GLCCI1: variants seen among roughly 807,000 people sequenced by gnomAD.
The protein encoded by GLCCI1 is glucocorticoid-induced transcript 1 protein.
Under a neutral mutation model 52.2 loss-of-function variants are expected in GLCCI1, and 24 were observed. That is an observed-to-expected ratio of 0.46 (90% confidence interval 0.33 to 0.65). The LOEUF (loss-of-function observed/expected upper bound fraction) is 0.65, where lower values mean the gene tolerates loss of function less well. Ranked by LOEUF, GLCCI1 falls within the 30% of genes least tolerant of loss-of-function variation. The pLI, the probability that GLCCI1 is intolerant of heterozygous loss-of-function variation, is 0.02. For missense variants in GLCCI1, 704 were observed against 701.5 expected (o/e 1.00, Z -0.04); for synonymous variants, 310 against 276.5 (o/e 1.12, Z -1.20).
In GLCCI1 at chr7:8,087,463, T is replaced by C. The variant is rs2127970985; in HGVS notation, c.*925T>C. The C allele has an allele frequency of 6.5e-6, 1 of 152,770 alleles. No homozygotes were observed. Among genetic ancestry groups the C allele is most frequent in the East Asian group, 1.9e-4 (1 of 5,188 alleles). The allele number at this position is 152,770 out of a possible 1,614,324, so 9.5% of individuals were successfully genotyped here. On this transcript the variant is annotated 3_prime_UTR_variant, in exon 8 of 8. Transcript: ENST00000223145. ...ACATTCCACATTGTGTGTGATGAAATTTAAAGACAAGAATGTCTAGAGTTA... is the reference window on the plus strand; with the variant it reads ...ACATTCCACATTGTGTGTGATGAAACTTAAAGACAAGAATGTCTAGAGTTA...
At chr7:8,055,703 C>T (rs1305164059) in intron 4 of GLCCI1, 154 bp downstream of exon 4, 11 of 541,390 alleles carry the variant, frequency 2.0e-5, no homozygotes, top group Non-Finnish European at 3.2e-5. Flanking sequence ...AGAAAGCAGC[C>T]GGGCGGCCGG....
chr7:8,082,930 G>C lies in GLCCI1; in HGVS notation c.1178-1967G>C, dbSNP rs1279516169. Among the ~76,000 whole-genome samples the C allele has an allele frequency of 3.3e-5, 5 of 152,132 alleles. No homozygotes were observed. In the South Asian group the frequency reaches 8.3e-4, roughly 25 times the overall value. The stretch of plus-strand genomic sequence containing the variant: ...ATGATGTAGTAAGAAAAAGAACACA[G>C]AAGACTGTGGCCAAGATGACTTTTC... On this transcript the variant is annotated intron_variant, in intron 6 of 7. Coordinates refer to ENST00000223145, the MANE Select transcript of GLCCI1 (RefSeq NM_138426.4).
intron 3 of GLCCI1, among the ~76,000 whole-genome samples, chr7:8,024,154 C>G (rs1450235523): frequency 2.0e-5 from 3 of 152,170 alleles, no homozygotes; most frequent in Admixed American, 2.0e-4. Flanking sequence ...TTCCAGGCCT[C>G]TTTGTATAAT....
intron 3 of GLCCI1, among the ~76,000 whole-genome samples, chr7:8,037,058 A>G (rs1458376578): frequency 1.3e-5 from 2 of 151,744 alleles, no homozygotes; most frequent in African/African-American, 4.9e-5. Context: ...AGGAAATCCA[A>G]AAGATATATT....
rs757339064 is a variant in GLCCI1, at chr7:8,086,302, T to C, written c.1408T>C (p.Leu470=). The change falls in exon 8 of 8, where the codon TTA becomes CTA. Residue 470 remains leucine (L), a synonymous_variant. Coordinates refer to ENST00000223145, the MANE Select transcript of GLCCI1 (RefSeq NM_138426.4). This position sits in a 1 kb window ranked among gnomAD's most constrained non-coding sequence, Gnocchi z 4.4. ...FCPVKLLGPL[L]PASDLMLKNS... ...TCCTGTAAAACTTCTAGGCCCCCTC[T>C]TACCTGCTTCTGACCTTATGCTCAA... 17 of 1,613,970 alleles carry C rather than the reference T, an allele frequency of 1.1e-5. No homozygotes were observed. The Admixed American group carries it at 2.5e-4, about 24-fold the overall frequency.
At chr7:8,018,259 G>T (rs1192726375) in intron 2 of GLCCI1, among the ~76,000 whole-genome samples, 3 of 152,084 alleles carry the variant, frequency 2.0e-5, no homozygotes, top group South Asian at 2.1e-4. Flanking sequence ...TAAGATTAAA[G>T]AATTTTGTTA....
chr7:8,031,776 A>G (rs9655516), intron 3 of GLCCI1, among the ~76,000 whole-genome samples: 89,484 of 151,702 alleles, frequency 0.59, 26,620 homozygotes, highest in African/African-American at 0.66. Flanking sequence ...AACAGTAACA[A>G]TAAGAGAGCT....
intron 2 of GLCCI1, among the ~76,000 whole-genome samples, chr7:8,014,894 A>T (rs1227949894): frequency 6.6e-6 from 1 of 152,180 alleles, no homozygotes; most frequent in Non-Finnish European, 1.5e-5. Context: ...TTGGTATTTT[A>T]TTGTTTTAAA....
At chr7:8,064,184 G>A (rs1782580752) in intron 5 of GLCCI1, among the ~76,000 whole-genome samples, 1 of 152,164 alleles carries the variant, frequency 6.6e-6, no homozygotes, top group Non-Finnish European at 1.5e-5. Context: ...GCCAGGTCCT[G>A]TGTCCAGAAT....
intron 7 of GLCCI1, among the ~76,000 whole-genome samples, chr7:8,085,829 C>T (rs1454248536): frequency 6.6e-6 from 1 of 152,156 alleles, no homozygotes; most frequent in Non-Finnish European, 1.5e-5. Context: ...TGGACGAATG[C>T]CCCCTGCCTC....
intron 4 of GLCCI1, among the ~76,000 whole-genome samples, chr7:8,058,097 G>A (rs1281134348): frequency 6.6e-6 from 1 of 151,904 alleles, no homozygotes; most frequent in African/African-American, 2.4e-5. Flanking sequence ...AATGAAAAGG[G>A]GAAAACTGAA....
intron 3 of GLCCI1, among the ~76,000 whole-genome samples, chr7:8,051,018 GTTAA>G (rs1782247646): frequency 6.6e-6 from 1 of 152,084 alleles, no homozygotes; most frequent in Non-Finnish European, 1.5e-5. Flanking sequence ...CTTTTTTATT[GTTAA>G]TTGACACAGT....
chr7:8,058,283 C>T (rs933057566), intron 4 of GLCCI1, among the ~76,000 whole-genome samples: 1 of 152,116 alleles, frequency 6.6e-6, no homozygotes, highest in African/African-American at 2.4e-5. Flanking sequence ...AGTCTTAACA[C>T]ATTAATAGAT....
intron 3 of GLCCI1, among the ~76,000 whole-genome samples, chr7:8,031,429 G>A (rs1289959751): frequency 1.3e-5 from 2 of 152,054 alleles, no homozygotes; most frequent in Non-Finnish European, 2.9e-5. Flanking sequence ...TGGGGAGGTG[G>A]GAATGGTTAA....
chr7:7,977,573 G>A (rs1583939706), intron 1 of GLCCI1, among the ~76,000 whole-genome samples: 1 of 152,112 alleles, frequency 6.6e-6, no homozygotes, highest in Non-Finnish European at 1.5e-5. Flanking sequence ...TCTCTTTTCA[G>A]TTTTGACATT....
At chr7:8,033,077 G>C (rs1049630367) in intron 3 of GLCCI1, among the ~76,000 whole-genome samples, 1 of 151,774 alleles carries the variant, frequency 6.6e-6, no homozygotes, top group African/African-American at 2.4e-5. Context: ...ATTTGTCCAA[G>C]GAATGCAATG....
intron 2 of GLCCI1, among the ~76,000 whole-genome samples, chr7:8,006,962 G>A (rs1781164243): frequency 6.6e-6 from 1 of 151,728 alleles, no homozygotes. Flanking sequence ...TAGAAGCCAA[G>A]CCTACTGCTG....
intron 7 of GLCCI1, among the ~76,000 whole-genome samples, chr7:8,085,546 G>C (rs569871005): frequency 6.6e-6 from 1 of 152,232 alleles, no homozygotes. Context: ...CTCAGAAGAA[G>C]ACTGTGGTTC....
intron 1 of GLCCI1, among the ~76,000 whole-genome samples, chr7:7,996,025 A>G (rs1238791068): frequency 1.3e-5 from 2 of 152,340 alleles, no homozygotes; most frequent in Admixed American, 1.3e-4. Flanking sequence ...ATTGAGATGT[A>G]ATAGTGAGCC....
Sources: allele counts gnomAD v4.1 joint callset (sites outside exome capture counted in the v4.1 genomes callset), GRCh38; gene constraint gnomAD v4.1.1; non-coding constraint Gnocchi (gnomAD v3.1); transcripts MANE v1.5; gene names NCBI Gene and HGNC (gene_info 2026-07-23, HGNC 2026-07-21).